Variants in CACNA2D3 observed in about 807,000 individuals in gnomAD.
CACNA2D3 encodes calcium voltage-gated channel auxiliary subunit alpha2delta 3, also known as voltage-dependent calcium channel subunit alpha-2/delta-3.
Under a neutral mutation model 160.6 loss-of-function variants are expected in CACNA2D3, and 60 were observed. That is an observed-to-expected ratio of 0.37 (90% CI 0.30 to 0.46). CACNA2D3 has a LOEUF of 0.46. Ranked by LOEUF, CACNA2D3 falls within the 20% of genes least tolerant of loss-of-function variation. The pLI, the probability that CACNA2D3 is intolerant of heterozygous loss-of-function variation, is 1.00. For missense variants in CACNA2D3, 1,205 were observed against 1,365.0 expected (o/e 0.88, Z 1.85); for synonymous variants, 558 against 492.9 (o/e 1.13, Z -1.75).
At chr3:54,545,853 C>T (rs559694892) in intron 5 of CACNA2D3, among the ~76,000 whole-genome samples, 26 of 152,276 alleles carry the variant, frequency 1.7e-4, no homozygotes, top group African/African-American at 5.8e-4. Context: ...TCCCTGTGGT[C>T]TTTATTCTGG....
intron 25 of CACNA2D3, among the ~76,000 whole-genome samples, chr3:54,896,237 G>C (rs1426958946): frequency 6.6e-6 from 1 of 152,188 alleles, no homozygotes; most frequent in East Asian, 1.9e-4. Context: ...CAGCGAGGAG[G>C]CAGGTGAGGG....
chr3:54,554,344 T>C (rs1476615626), intron 5 of CACNA2D3, among the ~76,000 whole-genome samples: 3 of 152,232 alleles, frequency 2.0e-5, no homozygotes, highest in Non-Finnish European at 2.9e-5. Flanking sequence ...TTGTCTGGCA[T>C]AATGTTGAAT....
intron 27 of CACNA2D3, among the ~76,000 whole-genome samples, chr3:54,959,980 C>T (rs1400424748): frequency 5.3e-5 from 8 of 151,768 alleles, no homozygotes; most frequent in Non-Finnish European, 8.8e-5. Flanking sequence ...CAACATCAAT[C>T]CAGTCAAGTA....
chr3:54,329,483 C>A (rs1446115065), intron 3 of CACNA2D3, among the ~76,000 whole-genome samples: 1 of 152,220 alleles, frequency 6.6e-6, no homozygotes, highest in African/African-American at 2.4e-5. Flanking sequence ...GGTTCATGGA[C>A]TTTCCAGAAT....
chr3:54,522,957 C>CTTAG (rs1334652564), intron 5 of CACNA2D3, among the ~76,000 whole-genome samples: 1 of 151,912 alleles, frequency 6.6e-6, no homozygotes, highest in African/African-American at 2.4e-5. Context: ...TACTTACTTA[C>CTTAG]TTACTTACTT....
chr3:55,024,476 G>GAA (rs1358061600), intron 35 of CACNA2D3, among the ~76,000 whole-genome samples: 1 of 152,060 alleles, frequency 6.6e-6, no homozygotes, highest in African/African-American at 2.4e-5. Context: ...ATTAGATCAT[G>GAA]AGGTCTCTGC....
At position 54,403,135 on chromosome 3, in the gene CACNA2D3, C is replaced by A. The variant is rs140081539; in HGVS notation, c.381+16361C>A. Among the ~76,000 whole-genome samples the A allele has an allele frequency of 5.6e-3, 847 of 152,016 alleles. 7 individuals are homozygous for A. The highest frequency in any genetic ancestry group is 0.019 in the African/African-American group (789 of 41,440). On this transcript the variant is annotated intron_variant, in intron 4 of 37. Coordinates refer to ENST00000474759, the MANE Select transcript of CACNA2D3 (RefSeq NM_018398.3). Reference sequence around the variant, plus strand: ...CAGCACTTTGGGAGATGGAGATGGACAGATCACTTGAAGAGTTCGAGACCA... The same window carrying A: ...CAGCACTTTGGGAGATGGAGATGGAAAGATCACTTGAAGAGTTCGAGACCA...
chr3:55,014,734 A>T (rs1703291684), intron 34 of CACNA2D3, among the ~76,000 whole-genome samples: 1 of 152,198 alleles, frequency 6.6e-6, no homozygotes, highest in Non-Finnish European at 1.5e-5. Context: ...TCTGTCTCCA[A>T]CAGCAACAAC....
intron 13 of CACNA2D3, among the ~76,000 whole-genome samples, chr3:54,772,923 C>T (rs1283475013): frequency 6.6e-6 from 1 of 152,146 alleles, no homozygotes; most frequent in Admixed American, 6.5e-5. Context: ...CCTGATCAGC[C>T]CCTCCAGGGG....
chr3:54,860,038 C>G (rs780758572), intron 17 of CACNA2D3, among the ~76,000 whole-genome samples: 1 of 148,086 alleles, frequency 6.8e-6, no homozygotes, highest in African/African-American at 2.5e-5. Context: ...CAAATTAGAT[C>G]GGCAGCCCAA....
chr3:54,738,825 G>A (rs145482675), intron 11 of CACNA2D3, among the ~76,000 whole-genome samples: 2 of 152,276 alleles, frequency 1.3e-5, no homozygotes, highest in Non-Finnish European at 2.9e-5. Context: ...TGTATGACCA[G>A]TACTGCTTAA....
intron 29 of CACNA2D3, among the ~76,000 whole-genome samples, chr3:54,983,868 C>T (rs1380404049): frequency 6.6e-6 from 1 of 152,220 alleles, no homozygotes; most frequent in Non-Finnish European, 1.5e-5. Flanking sequence ...TAAGTTTAAA[C>T]TCCACAGCAC....
At chr3:54,252,325 C>T (rs773685598) in intron 2 of CACNA2D3, among the ~76,000 whole-genome samples, 1 of 152,074 alleles carries the variant, frequency 6.6e-6, no homozygotes. Context: ...CAAGGACTTA[C>T]TTGTAGAAAA....
intron 2 of CACNA2D3, among the ~76,000 whole-genome samples, chr3:54,137,297 A>G (rs540391399): frequency 9.2e-4 from 140 of 152,324 alleles, no homozygotes; most frequent in Middle Eastern, 3.4e-3. Context: ...GAAGCAGTTT[A>G]TTTAGAAATC....
Position 54,642,212 on chromosome 3 carries a change from T to A in CACNA2D3, c.1138T>A (p.Phe380Ile), listed in dbSNP as rs753077331. 1.2e-6 allele frequency: 2 copies of A among 1,612,506 alleles called. No individual in the cohort carries two copies. The highest frequency in any genetic ancestry group is 1.1e-5 in the South Asian group (1 of 90,604). The change falls in exon 11 of 38, where the codon TTT (phenylalanine) becomes ATT (isoleucine). Residue 380 changes from phenylalanine (F) to isoleucine (I), a missense_variant. Physicochemically the swap from Phe to Ile is conservative, Grantham distance 21. Transcript: ENST00000474759. Reference sequence around the variant, plus strand: ...GGCGGTGGACACCTATGATACAATCTTTGCAAAATACAATTGGCCAGATCG... The same window carrying A: ...GGCGGTGGACACCTATGATACAATCATTGCAAAATACAATTGGCCAGATCG... ...DGAVDTYDTI[F>I]AKYNWPDRKV...
intron 2 of CACNA2D3, among the ~76,000 whole-genome samples, chr3:54,261,872 A>C (rs1253788837): frequency 6.6e-6 from 1 of 152,152 alleles, no homozygotes; most frequent in Admixed American, 6.5e-5. Context: ...CCTGGAAAAC[A>C]TGGAATGCGT....
chr3:54,463,788 A>T (rs898911943), intron 4 of CACNA2D3, among the ~76,000 whole-genome samples: 1 of 152,204 alleles, frequency 6.6e-6, no homozygotes, highest in Non-Finnish European at 1.5e-5. Context: ...GTCATTCTCC[A>T]TCCAGCTTTG....
At chr3:54,730,587 C>T (rs1335324327) in intron 11 of CACNA2D3, among the ~76,000 whole-genome samples, 2 of 152,174 alleles carry the variant, frequency 1.3e-5, no homozygotes, top group Admixed American at 6.5e-5. Context: ...ACTGCAACCT[C>T]CGCCTCCTGG....
chr3:54,938,610 C>G (rs1559637708), intron 27 of CACNA2D3, among the ~76,000 whole-genome samples: 1 of 151,816 alleles, frequency 6.6e-6, no homozygotes, highest in African/African-American at 2.4e-5. Flanking sequence ...TGACCAAGCC[C>G]CCTTAGTTAC....
Sources: gnomAD v4.1 joint callset for allele counts (sites outside exome capture counted in the v4.1 genomes callset) on GRCh38, gnomAD v4.1.1 for gene constraint, MANE v1.5 for transcripts, NCBI Gene and HGNC (gene_info 2026-07-23, HGNC 2026-07-21) for gene names.